AP3S1: variants seen among roughly 807,000 people sequenced by gnomAD.
The protein encoded by AP3S1 is adaptor related protein complex 3 subunit sigma 1, also known as AP-3 complex subunit sigma-1.
In AP3S1, 12 loss-of-function variants were observed where a neutral mutation model predicts 21.3. The ratio of observed to expected loss-of-function variants is 0.56; its 90% confidence interval spans 0.36 to 0.91. The LOEUF (loss-of-function observed/expected upper bound fraction) is 0.91. AP3S1 is among the 40% of genes least tolerant of loss of function. AP3S1 has a pLI of 0.01. For missense variants in AP3S1, 116 were observed against 225.0 expected (o/e 0.52, Z 3.10); for synonymous variants, 48 against 78.4 (o/e 0.61, Z 2.05).
intron 3 of AP3S1, among the ~76,000 whole-genome samples, chr5:115,891,490 G>C (rs539908661): frequency 6.6e-6 from 1 of 152,158 alleles, no homozygotes; most frequent in Non-Finnish European, 1.5e-5. Flanking sequence ...TGGGATTCTT[G>C]TGACCCCCCT....
At chr5:115,878,287 C>T (rs1454796606) in intron 3 of AP3S1, among the ~76,000 whole-genome samples, 1 of 152,274 alleles carries the variant, frequency 6.6e-6, no homozygotes, top group East Asian at 1.9e-4. Context: ...TGCCTATGTC[C>T]TGAATGGTAT....
chr5:115,855,698 T>C (rs1762755960), intron 1 of AP3S1, among the ~76,000 whole-genome samples: 4 of 152,218 alleles, frequency 2.6e-5, no homozygotes, highest in Admixed American at 2.6e-4. Context: ...TACAAAACTA[T>C]AAATTCAAAA....
intron 5 of AP3S1, 119 bp from the exon 6 acceptor site, chr5:115,913,243 C>G: frequency 2.0e-6 from 2 of 1,004,010 alleles, no homozygotes; most frequent in Non-Finnish European, 2.8e-6. Context: ...AAACTACCAT[C>G]TGGTCCCTAA....
intron 3 of AP3S1, among the ~76,000 whole-genome samples, chr5:115,873,428 A>G (rs979786448): frequency 9.2e-5 from 14 of 152,208 alleles, no homozygotes; most frequent in African/African-American, 3.4e-4. Context: ...AAAGTAGGCT[A>G]GAGCTGTTTT....
chr5:115,843,106 C>G (rs1194053858), intron 1 of AP3S1, among the ~76,000 whole-genome samples: 1 of 152,166 alleles, frequency 6.6e-6, no homozygotes, highest in Non-Finnish European at 1.5e-5. Context: ...TACCTGAGGG[C>G]AGAATTCGCT....
In AP3S1 at chr5:115,855,611, A is replaced by C. The variant is rs551102290; in HGVS notation, c.70-11059A>C. Among the ~76,000 whole-genome samples the C allele has an allele frequency of 2.6e-5, 4 of 152,344 alleles. No individual in the cohort carries two copies. In the South Asian group the frequency reaches 8.3e-4, roughly 32 times the overall value. On this transcript the variant is annotated intron_variant, in intron 1 of 5. Coordinates refer to ENST00000316788, the MANE Select transcript of AP3S1 (RefSeq NM_001284.4). ...CACCTTGGCCTCCCAAAGTGCTGGG[A>C]TTACAGGCTTGAGCCACTGCACCCA...
At chr5:115,845,410 C>G (rs1761981482) in intron 1 of AP3S1, among the ~76,000 whole-genome samples, 1 of 152,194 alleles carries the variant, frequency 6.6e-6, no homozygotes, top group African/African-American at 2.4e-5. Flanking sequence ...GTGCACATTT[C>G]CATTTCATGC....
chr5:115,900,686 C>A lies in AP3S1; in HGVS notation c.346-2199C>A, dbSNP rs140508082. ...TCAAGTCAGCCATTTCTCCAAGGAA[C>A]CCTGGCTTCCTTCAGTAGAGAATGA... is the stretch of plus-strand genomic sequence containing the variant. On this transcript the variant is annotated intron_variant, in intron 4 of 5. Transcript: ENST00000316788. 1.7e-4 allele frequency among the ~76,000 whole-genome samples: 26 copies of A among 152,282 alleles called. 1 individual carries two copies. In the East Asian group the frequency reaches 5.0e-3, roughly 29 times the overall value.
chr5:115,849,501 G>A (rs1393341687), intron 1 of AP3S1, among the ~76,000 whole-genome samples: 2 of 152,192 alleles, frequency 1.3e-5, no homozygotes, highest in Non-Finnish European at 2.9e-5. Context: ...AGGAGATAAA[G>A]CTAAAGAGAA....
At chr5:115,897,615 G>A (rs992261634) in intron 4 of AP3S1, among the ~76,000 whole-genome samples, 13 of 151,824 alleles carry the variant, frequency 8.6e-5, no homozygotes, top group African/African-American at 3.1e-4. Flanking sequence ...AGGCTGGAGT[G>A]TAGTGGCGAT....
chr5:115,870,242 A>C (rs1304109503), intron 3 of AP3S1, 114 bp downstream of exon 3: 3 of 631,984 alleles, frequency 4.7e-6, no homozygotes, highest in Non-Finnish European at 8.0e-6. Context: ...AAAGCATTTC[A>C]TAATAGATAT....
intron 3 of AP3S1, among the ~76,000 whole-genome samples, chr5:115,879,462 G>T (rs1384866341): frequency 6.6e-6 from 1 of 152,126 alleles, no homozygotes; most frequent in Non-Finnish European, 1.5e-5. Flanking sequence ...TAATCATGTG[G>T]TTTTTGTGAC....
chr5:115,880,378 C>A (rs534731905), intron 3 of AP3S1, among the ~76,000 whole-genome samples: 29 of 152,220 alleles, frequency 1.9e-4, no homozygotes, highest in African/African-American at 7.0e-4. Flanking sequence ...TAGCTGTGTC[C>A]CAGAAATTCT....
At chr5:115,907,065 T>C (rs1751711845) in intron 5 of AP3S1, 1 of 895,310 alleles carries the variant, frequency 1.1e-6, no homozygotes, top group Non-Finnish European at 1.3e-6. Flanking sequence ...ATATCATTGA[T>C]GTCATGTTTG....
rs552212020 is a variant in AP3S1 at position 115,869,989 on chromosome 5, A to G, written c.162-28A>G. ...GAAAATGATTCGCATTTTGTTTCCA[A>G]TAACATTACAATTTTTTTGTCATTT... On this transcript the variant is annotated intron_variant, in intron 2 of 5. Coordinates refer to ENST00000316788, the MANE Select transcript of AP3S1 (RefSeq NM_001284.4). 6.4e-6 allele frequency: 9 copies of G among 1,412,818 alleles called. No individual in the cohort carries two copies. The African/African-American group carries it at 1.2e-4, about 18-fold the overall frequency. 87.5% of individuals were successfully genotyped at this position (1,412,818 alleles called of 1,614,324 possible). A position where few individuals can be genotyped will look rare whatever the true frequency, so the allele number is the denominator to read the frequency against.
intron 5 of AP3S1, chr5:115,907,140 A>T: frequency 9.0e-6 from 3 of 332,810 alleles, no homozygotes; most frequent in Non-Finnish European, 1.3e-5. Flanking sequence ...TTGTCATCTA[A>T]CTGACAAATT....
intron 5 of AP3S1, chr5:115,911,966 T>C (rs2112601594): frequency 6.6e-6 from 1 of 152,144 alleles, no homozygotes; most frequent in African/African-American, 2.4e-5. Flanking sequence ...CTCTTATCAT[T>C]GCCTGTGTAG....
intron 1 of AP3S1, among the ~76,000 whole-genome samples, chr5:115,849,491 A>G (rs900494525): frequency 2.0e-4 from 31 of 152,332 alleles, no homozygotes; most frequent in African/African-American, 7.2e-4. Context: ...GAAGAGAGGC[A>G]GGAGATAAAG....
At chr5:115,877,433 T>C (rs970479479) in intron 3 of AP3S1, among the ~76,000 whole-genome samples, 1 of 152,176 alleles carries the variant, frequency 6.6e-6, no homozygotes, top group Non-Finnish European at 1.5e-5. Context: ...CTCCCACTTA[T>C]GAATGAGAAC....
Sources: allele counts gnomAD v4.1 joint callset (sites outside exome capture counted in the v4.1 genomes callset), GRCh38; gene constraint gnomAD v4.1.1; transcripts MANE v1.5; gene names NCBI Gene and HGNC (gene_info 2026-07-23, HGNC 2026-07-21).